Variants in NSD2 observed in about 807,000 individuals in gnomAD.
NSD2 encodes the protein nuclear receptor binding SET domain protein 2.
NSD2 carries 12 observed loss-of-function variants against 139.0 expected under a neutral mutation model. The observed-to-expected ratio is 0.09, with a 90% CI of 0.06 to 0.14. NSD2 has a LOEUF of 0.14. Among genes scored for constraint, NSD2 ranks in the 10% least tolerant of loss-of-function variants. The pLI, the probability that NSD2 is intolerant of heterozygous loss-of-function variation, is 1.00. For missense variants in NSD2, 1,155 were observed against 1,745.0 expected (o/e 0.66, Z 6.02); for synonymous variants, 669 against 648.7 (o/e 1.03, Z -0.48).
At position 1,948,663 on chromosome 4, in the gene NSD2, CAT is replaced by C. The variant is rs1214950832; in HGVS notation, c.1882-2408_1882-2407del. On this transcript the variant is annotated intron_variant, in intron 9 of 21. Transcript: ENST00000508803. The surrounding 1 kb of genome is among the most constrained non-coding windows in gnomAD (Gnocchi z 4.5). ...CAGACCCTGATCAGGAAATGAGCCT[CAT>C]GTGTGTCGTTAACATTTATATATTT... 7 of 1,059,440 alleles carry C rather than the reference CAT, an allele frequency of 6.6e-6. No individual in the cohort carries two copies. Among genetic ancestry groups the C allele is most frequent in the Admixed American group, 1.1e-4 (2 of 18,476 alleles). 65.6% of individuals were successfully genotyped at this position (1,059,440 alleles called of 1,614,324 possible). A position where few individuals can be genotyped will look rare whatever the true frequency, so the allele number is the denominator to read the frequency against.
intron 9 of NSD2, chr4:1,945,007 G>GC: frequency 9.4e-7 from 1 of 1,065,346 alleles, no homozygotes; most frequent in Middle Eastern, 4.2e-4. Context: ...GTCGTGAAAG[G>GC]CAGAGGGTGA....
At chr4:1,935,088 C>A in intron 6 of NSD2, 56 bp from the exon 7 acceptor site, 1 of 1,455,888 alleles carries the variant, frequency 6.9e-7, no homozygotes, top group Non-Finnish European at 9.5e-7. Context: ...CACAGTGCTT[C>A]AAATGCAGCT....
At position 1,944,832 on chromosome 4, in the gene NSD2, C is replaced by A. The variant is rs1423532408; in HGVS notation, c.1881+5054C>A. On this transcript the variant is annotated intron_variant, in intron 9 of 21. Transcript: ENST00000508803. ...CATGCAAAAATTAAATGTCTTTTTT[C>A]AGCATACTGACTCCAGGTGTAGTTA... The A allele has an allele frequency of 6.2e-5, 66 of 1,063,334 alleles. 1 individual carries two copies. The highest frequency in any genetic ancestry group is 6.8e-5 in the Non-Finnish European group (60 of 877,146). The allele number at this position is 1,063,334 out of a possible 1,614,324, so 65.9% of individuals were successfully genotyped here.
intron 18 of NSD2, among the ~76,000 whole-genome samples, chr4:1,968,932 C>T (rs1726155856): frequency 6.6e-6 from 1 of 152,264 alleles, no homozygotes; most frequent in Non-Finnish European, 1.5e-5. Flanking sequence ...TAGCAGATGG[C>T]AGCTGCTCAC....
chr4:1,898,138 G>A (rs1349252601), intron 1 of NSD2, among the ~76,000 whole-genome samples: 2 of 151,818 alleles, frequency 1.3e-5, no homozygotes, highest in Non-Finnish European at 2.9e-5. Flanking sequence ...CCAGGTTGGA[G>A]TGCAGTAGTG....
intron 1 of NSD2, among the ~76,000 whole-genome samples, chr4:1,888,858 G>T (rs1715318459): frequency 6.6e-6 from 1 of 151,236 alleles, no homozygotes; most frequent in Admixed American, 6.6e-5. Flanking sequence ...GAGCCACCAC[G>T]CCTGGCTGCT....
intron 17 of NSD2, 103 bp from the exon 18 acceptor site, chr4:1,960,932 G>T (rs1407947181): frequency 1.2e-6 from 1 of 808,500 alleles, no homozygotes; most frequent in East Asian, 2.5e-5. Flanking sequence ...ATGCTGATGT[G>T]TGTGGTGCCC....
chr4:1,874,021 C>T (rs960551687), intron 1 of NSD2, among the ~76,000 whole-genome samples: 3 of 152,194 alleles, frequency 2.0e-5, no homozygotes, highest in South Asian at 2.1e-4. Flanking sequence ...ACTCAGCCTT[C>T]CTGGCTCTGC....
chr4:1,886,699 G>A (rs1482760722), intron 1 of NSD2, among the ~76,000 whole-genome samples: 1 of 151,996 alleles, frequency 6.6e-6, no homozygotes, highest in Non-Finnish European at 1.5e-5. Context: ...TTAGCCAGGC[G>A]TGGTGGCGTG....
Position 1,978,690 on chromosome 4 carries a change from T to A in NSD2, c.3879T>A (p.Thr1293=). The A allele has an allele frequency of 6.2e-7, 1 of 1,613,998 alleles. No individual in the cohort carries two copies. Among genetic ancestry groups the A allele is most frequent in the Non-Finnish European group, 8.5e-7 (1 of 1,179,886 alleles). Residue 1293 remains threonine (T), a synonymous_variant, in exon 22 of 22, where the codon ACT becomes ACA. Transcript: ENST00000508803. The stretch of plus-strand genomic sequence containing the variant: ...GTGACGTGTGTGGCAAACCTTCGAC[T>A]TCATTTTGCCACCTCTGCCCCAATT... ...HHCDVCGKPS[T]SFCHLCPNSF...
chr4:1,915,094 A>AT (rs1719185385), intron 3 of NSD2, among the ~76,000 whole-genome samples: 1 of 132,692 alleles, frequency 7.5e-6, no homozygotes, highest in Admixed American at 7.4e-5. Flanking sequence ...TTCTTGTTGA[A>AT]TTTTTTCTTT....
rs748567663 is a variant in NSD2 at position 1,900,877 on chromosome 4, C to G, written c.223C>G (p.Pro75Ala). The G allele has an allele frequency of 1.2e-6, 2 of 1,613,112 alleles. No individual in the cohort carries two copies. Among genetic ancestry groups the G allele is most frequent in the South Asian group, 1.1e-5 (1 of 91,006 alleles). The change falls in exon 2 of 22, where the codon CCA (proline) becomes GCA (alanine). Residue 75 changes from proline (P) to alanine (A), a missense_variant. Physicochemically the swap from Pro to Ala is conservative, Grantham distance 27 (BLOSUM62 -1). Around this residue, in one of 8 missense-constraint regions of NSD2, gnomAD observed 246 missense variants for 262.8 expected, o/e 0.94. Coordinates refer to ENST00000508803, the MANE Select transcript of NSD2 (RefSeq NM_001042424.3). ...CGGCCACGACGCCCTGCCCTTTATT[C>G]CAGCCGACAAGCTGAAAGATCTTAC... ...FNGHDALPFI[P>A]ADKLKDLTSR...
Position 1,973,448 on chromosome 4 carries a change from C to T in NSD2, c.3373-1415C>T, listed in dbSNP as rs571037527. Among the ~76,000 whole-genome samples, 165 of 152,354 alleles carry T rather than the reference C, an allele frequency of 1.1e-3. 1 individual carries two copies. Among genetic ancestry groups the T allele is most frequent in the Non-Finnish European group, 2.0e-3 (135 of 68,040 alleles). ...GTGTGCATGCCAACGTGCACATCAG[C>T]ACCGCGGCTCAGCGCGTCATGACAA... On this transcript the variant is annotated intron_variant, in intron 18 of 21. Transcript: ENST00000508803. The surrounding 1 kb of genome is among the most constrained non-coding windows in gnomAD (Gnocchi z 5.5).
intron 18 of NSD2, among the ~76,000 whole-genome samples, chr4:1,969,642 GGC>G (rs138727460): frequency 0.011 from 1,734 of 152,220 alleles, 26 homozygotes; most frequent in African/African-American, 0.04. Flanking sequence ...AGGAGGCCAA[GGC>G]GCGCAGTAAG....
intron 9 of NSD2, chr4:1,946,838 C>T (rs569047093): frequency 9.6e-5 from 101 of 1,056,684 alleles, no homozygotes; most frequent in Middle Eastern, 4.2e-4. Flanking sequence ...TCCAACAGCC[C>T]GACAGGCCTC....
chr4:1,888,679 C>T (rs1374179555), intron 1 of NSD2, among the ~76,000 whole-genome samples: 15 of 151,894 alleles, frequency 9.9e-5, no homozygotes, highest in East Asian at 1.9e-4. Flanking sequence ...ATTTTCCTGC[C>T]TCAGCCTCCG....
At position 1,978,854 on chromosome 4, in the gene NSD2, CGAAGGG is replaced by C. The variant is rs781745914; in HGVS notation, c.4048_4053del (p.Gly1350_Lys1351del). On this transcript the variant is annotated inframe_deletion, in exon 22 of 22. Transcript: ENST00000508803. ...AAGCCCCCCCCAGAGCCAGGGAAGCCGAAGGGGAAGAGGCGGCGGCGGAGGGGCTGG... is the reference window on the plus strand; with the variant it reads ...AAGCCCCCCCCAGAGCCAGGGAAGCCGAAGAGGCGGCGGCGGAGGGGCTGG... 32 of 1,600,400 alleles carry C rather than the reference CGAAGGG, an allele frequency of 2.0e-5. No individual in the cohort carries two copies. The highest frequency in any genetic ancestry group is 1.7e-6 in the Non-Finnish European group (2 of 1,170,756).
At chr4:1,966,643 C>G (rs1185523991) in intron 18 of NSD2, among the ~76,000 whole-genome samples, 4 of 127,212 alleles carry the variant, frequency 3.1e-5, no homozygotes, top group African/African-American at 1.2e-4. Flanking sequence ...GGTGACAGAG[C>G]AAGACTCTGT....
intron 1 of NSD2, among the ~76,000 whole-genome samples, chr4:1,872,633 A>AGAGAGAGC (rs1203166315): frequency 6.1e-5 from 8 of 131,116 alleles, no homozygotes; most frequent in South Asian, 5.2e-4. Context: ...AGAGAGAGAG[A>AGAGAGAGC]GAGCGCGCAG....
Sources: gnomAD v4.1 joint callset for allele counts (sites outside exome capture counted in the v4.1 genomes callset) on GRCh38, gnomAD v4.1.1 for gene constraint, gnomAD v4.1.1 regional missense constraint, Gnocchi (gnomAD v3.1) non-coding constraint, MANE v1.5 for transcripts, NCBI Gene and HGNC (gene_info 2026-07-23, HGNC 2026-07-21) for gene names.